Variants in STK17B observed in about 807,000 individuals in gnomAD.
STK17B encodes serine/threonine kinase 17b.
STK17B carries 21 observed loss-of-function variants against 42.0 expected under a neutral mutation model. That is an observed-to-expected ratio of 0.50 (90% CI 0.35 to 0.72). The LOEUF (loss-of-function observed/expected upper bound fraction) is 0.72, where lower values mean the gene tolerates loss of function less well. Among genes scored for constraint, STK17B ranks in the 30% least tolerant of loss-of-function variants. The pLI is 0.00. For synonymous variants in STK17B, 143 were observed against 148.4 expected, an observed-to-expected ratio of 0.96 and a Z score of 0.26; for missense variants, 349 against 446.0, an observed-to-expected ratio of 0.78 and a Z score of 1.96.
upstream of STK17B, among the ~76,000 whole-genome samples, chr2:196,171,753 G>A (rs1018585643): frequency 1.3e-5 from 2 of 149,562 alleles, no homozygotes; most frequent in Admixed American, 6.6e-5. Context: ...GCGGCGCCTG[G>A]CTGGCCCGAG....
chr2:196,141,514 C>G (rs574818669), intron 5 of STK17B, among the ~76,000 whole-genome samples: 1 of 152,112 alleles, frequency 6.6e-6, no homozygotes, highest in Non-Finnish European at 1.5e-5. Context: ...CAAAAATTAG[C>G]CAGGTGTGAT....
chr2:196,159,582 A>C (rs1228846756), intron 2 of STK17B, among the ~76,000 whole-genome samples: 2 of 152,132 alleles, frequency 1.3e-5, no homozygotes, highest in Non-Finnish European at 2.9e-5. Context: ...AAAGTGTTGA[A>C]ATTTTACAGG....
intron 1 of STK17B, chr2:196,165,737 G>GC (rs1390451576): frequency 6.6e-6 from 1 of 152,220 alleles, no homozygotes; most frequent in African/African-American, 2.4e-5. Flanking sequence ...TTCCAGTGCT[G>GC]CAAGGATTAA....
chr2:196,139,121 G>A (rs747000499), intron 7 of STK17B, among the ~76,000 whole-genome samples: 18 of 152,042 alleles, frequency 1.2e-4, no homozygotes, highest in Non-Finnish European at 1.9e-4. Context: ...CTGCCACCAT[G>A]CCTGGCTAAT....
At chr2:196,171,237 C>CT (rs1420723848) in intron 1 of STK17B, 96 bp downstream of exon 1, 1 of 152,288 alleles carries the variant, frequency 6.6e-6, no homozygotes, top group East Asian at 1.9e-4. Context: ...CTAAACCCTC[C>CT]TCGGGTCCTC....
In STK17B at chr2:196,137,114, A is replaced by C. The variant is rs1699416925; in HGVS notation, c.*333T>G. On this transcript the variant is annotated 3_prime_UTR_variant, in exon 8 of 8. Coordinates refer to ENST00000263955, the MANE Select transcript of STK17B (RefSeq NM_004226.4). ...TCACTGTGTTCAGTTTACACCAACT[A>C]TAATAAAACTCAAGCCACTTTTTTT... is the stretch of plus-strand genomic sequence containing the variant. The C allele has an allele frequency of 8.0e-6, 2 of 249,032 alleles. No individual in the cohort carries two copies. The highest frequency in any genetic ancestry group is 1.6e-5 in the Non-Finnish European group (2 of 128,882). 15.4% of individuals were successfully genotyped at this position (249,032 alleles called of 1,614,324 possible). A position where few individuals can be genotyped will look rare whatever the true frequency, so the allele number is the denominator to read the frequency against.
chr2:196,162,756 G>A (rs1173857228), intron 2 of STK17B, among the ~76,000 whole-genome samples: 1 of 152,012 alleles, frequency 6.6e-6, no homozygotes, highest in African/African-American at 2.4e-5. Context: ...CCAGTGTGGT[G>A]GTGTGTGCCT....
rs1559413728 is a variant in STK17B at position 196,156,519 on chromosome 2, T to C, written c.255A>G (p.Glu85=). The C allele has an allele frequency of 6.2e-7, 1 of 1,614,120 alleles. No homozygotes were observed. Among genetic ancestry groups the C allele is most frequent in the East Asian group, 2.2e-5 (1 of 44,860 alleles). Residue 85 remains glutamate (E), a synonymous_variant, in exon 3 of 8, where the codon GAA becomes GAG. Transcript: ENST00000263955. ...AEILHEIAVL[E]LAKSCPRVIN... ...TAACACGGGGACAAGACTTTGCCAA[T>C]TCAAGCACAGCAATCTCGTGTAAAA...
rs1317965913 is a variant in STK17B at position 196,134,053 on chromosome 2, T to C, written c.*3394A>G. 6.6e-6 allele frequency: 1 copy of C among 152,212 alleles called. No individual in the cohort carries two copies. Among genetic ancestry groups the C allele is most frequent in the African/African-American group, 2.4e-5 (1 of 41,462 alleles). The allele number at this position is 152,212 out of a possible 1,614,324, so 9.4% of individuals were successfully genotyped here. A position where few individuals can be genotyped will look rare whatever the true frequency, so the allele number is the denominator to read the frequency against. ...AATGTAAACAGTTCTAAAATATCAG[T>C]ATTTATAAATGTTGCTTAGAGGAAG... On this transcript the variant is annotated 3_prime_UTR_variant, in exon 8 of 8. Transcript: ENST00000263955.
intron 2 of STK17B, among the ~76,000 whole-genome samples, chr2:196,157,428 G>T (rs955406139): frequency 6.6e-6 from 1 of 152,128 alleles, no homozygotes; most frequent in East Asian, 1.9e-4. Flanking sequence ...AGAAATTAAA[G>T]TGAATGCAAA....
chr2:196,140,075 G>A (rs545419500), intron 6 of STK17B, among the ~76,000 whole-genome samples: 5 of 152,294 alleles, frequency 3.3e-5, no homozygotes, highest in South Asian at 2.1e-4. Context: ...GATACCTGCC[G>A]TGGAGTACAC....
At chr2:196,163,486 A>G (rs778700461) in intron 1 of STK17B, 59 bp from the exon 2 acceptor site, 308 of 1,287,730 alleles carry the variant, frequency 2.4e-4, no homozygotes, top group Non-Finnish European at 3.0e-4. Context: ...TGTGCATTAC[A>G]TTACACAGCT....
intron 2 of STK17B, 26 bp downstream of exon 2, chr2:196,163,236 G>C: frequency 6.2e-7 from 1 of 1,605,242 alleles, no homozygotes; most frequent in Non-Finnish European, 8.5e-7. Flanking sequence ...AATTTAGATG[G>C]CATACACGTC....
intron 3 of STK17B, chr2:196,156,232 G>T: frequency 2.3e-6 from 1 of 440,168 alleles, no homozygotes; most frequent in Non-Finnish European, 4.0e-6. Flanking sequence ...TTTGTCATTT[G>T]CTTATTCTGT....
chr2:196,146,609 T>C (rs1489433963), intron 3 of STK17B, among the ~76,000 whole-genome samples: 1 of 152,200 alleles, frequency 6.6e-6, no homozygotes, highest in Non-Finnish European at 1.5e-5. Flanking sequence ...TCCAATAATG[T>C]TGCAGCCTGC....
intron 2 of STK17B, among the ~76,000 whole-genome samples, chr2:196,159,261 T>A (rs1006385478): frequency 6.6e-6 from 1 of 151,904 alleles, no homozygotes; most frequent in African/African-American, 2.4e-5. Context: ...ATTTATTTTA[T>A]CTGTAAATAA....
At chr2:196,165,186 A>G (rs1327991047) in intron 1 of STK17B, among the ~76,000 whole-genome samples, 3 of 152,304 alleles carry the variant, frequency 2.0e-5, no homozygotes, top group East Asian at 1.9e-4. Context: ...AAGTGGGCCA[A>G]TTAGGACACA....
At chr2:196,159,954 A>G (rs966707290) in intron 2 of STK17B, among the ~76,000 whole-genome samples, 1 of 152,222 alleles carries the variant, frequency 6.6e-6, no homozygotes, top group Admixed American at 6.5e-5. Flanking sequence ...ATTCATTTAT[A>G]TACTATGAAG....
chr2:196,144,195 T>TTA (rs763618152), intron 4 of STK17B, among the ~76,000 whole-genome samples: 5 of 145,868 alleles, frequency 3.4e-5, no homozygotes, highest in African/African-American at 7.9e-5. Flanking sequence ...ATTAAAAAAT[T>TTA]AAAAAAAAAA....
Sources: gnomAD v4.1 joint callset for allele counts (sites outside exome capture counted in the v4.1 genomes callset) on GRCh38, gnomAD v4.1.1 for gene constraint, MANE v1.5 for transcripts, NCBI Gene and HGNC (gene_info 2026-07-23, HGNC 2026-07-21) for gene names.